Variants in PXDNL observed in about 807,000 individuals in gnomAD.
PXDNL encodes the protein peroxidasin like, also known as probable oxidoreductase PXDNL.
Under a neutral mutation model 150.8 loss-of-function variants are expected in PXDNL, and 145 were observed. The ratio of observed to expected loss-of-function variants is 0.96; its 90% CI spans 0.84 to 1.10. The LOEUF is 1.10. Among genes scored for constraint, PXDNL ranks in the 50% least tolerant of loss-of-function variants. The probability of loss-of-function intolerance (pLI) is 0.00; values close to 1 mark genes in which losing one functional copy is unlikely to be tolerated. For missense variants in PXDNL, 2,087 were observed against 1,873.9 expected (o/e 1.11, Z -2.10); for synonymous variants, 757 against 725.7 (o/e 1.04, Z -0.69).
intron 5 of PXDNL, among the ~76,000 whole-genome samples, chr8:51,496,847 A>G (rs556532687): frequency 6.6e-6 from 1 of 152,366 alleles, no homozygotes; most frequent in South Asian, 2.1e-4. Context: ...TGTCATGAAA[A>G]TGGCCAACTG....
At chr8:51,474,607 A>AC (rs1169674711) in intron 7 of PXDNL, among the ~76,000 whole-genome samples, 1 of 152,276 alleles carries the variant, frequency 6.6e-6, no homozygotes, top group East Asian at 1.9e-4. Flanking sequence ...TAAAGTTGAA[A>AC]CCCCTAAATT....
chr8:51,764,995 T>C (rs1286878478), intron 1 of PXDNL, among the ~76,000 whole-genome samples: 1 of 152,128 alleles, frequency 6.6e-6, no homozygotes, highest in South Asian at 2.1e-4. Flanking sequence ...ATAATTATTG[T>C]GTCTTTCTGA....
At chr8:51,654,130 T>G (rs891350694) in intron 2 of PXDNL, among the ~76,000 whole-genome samples, 2 of 152,178 alleles carry the variant, frequency 1.3e-5, no homozygotes, top group African/African-American at 4.8e-5. Flanking sequence ...CAATAGATAA[T>G]AGATACTGTT....
chr8:51,460,465 T>C (rs561880565), intron 8 of PXDNL, among the ~76,000 whole-genome samples: 1 of 135,294 alleles, frequency 7.4e-6, no homozygotes, highest in African/African-American at 2.8e-5. Context: ...AGGAAGCCCT[T>C]CTCCCACCAA....
intron 4 of PXDNL, among the ~76,000 whole-genome samples, chr8:51,539,657 A>G (rs912674171): frequency 6.6e-6 from 1 of 152,150 alleles, no homozygotes; most frequent in Non-Finnish European, 1.5e-5. Context: ...TTAGTTATGC[A>G]GTTTATCCTC....
intron 5 of PXDNL, among the ~76,000 whole-genome samples, chr8:51,490,028 G>C (rs1016349012): frequency 1.3e-5 from 2 of 152,126 alleles, no homozygotes; most frequent in African/African-American, 2.4e-5. Flanking sequence ...GGGGTCTCTG[G>C]TGTAAAAGAG....
At position 51,621,943 on chromosome 8, in the gene PXDNL, C is replaced by CAA. The variant is rs71237221; in HGVS notation, c.237-29247_237-29246dup. Among the ~76,000 whole-genome samples, 705 of 127,874 alleles carry CAA rather than the reference C, an allele frequency of 5.5e-3. 13 individuals carry two copies. Among genetic ancestry groups the CAA allele is most frequent in the Middle Eastern group, 0.013 (3 of 234 alleles). 83.9% of individuals were successfully genotyped at this position (127,874 alleles called of 152,430 possible). On this transcript the variant is annotated intron_variant, in intron 2 of 22. Transcript: ENST00000356297. ...TGGGTGACAGAGTGAGACCCTGTCT[C>CAA]AAAAAAAAAAAAAAAAAAAGCAATT...
At chr8:51,805,758 A>C (rs1452246410) in intron 1 of PXDNL, among the ~76,000 whole-genome samples, 2 of 152,164 alleles carry the variant, frequency 1.3e-5, no homozygotes, top group East Asian at 3.8e-4. Context: ...CCTAAGCTTA[A>C]AACTTTTTCT....
chr8:51,481,446 GA>G (rs889822025), intron 6 of PXDNL, among the ~76,000 whole-genome samples: 2 of 152,180 alleles, frequency 1.3e-5, no homozygotes, highest in African/African-American at 2.4e-5. Flanking sequence ...TGATGCAGTA[GA>G]AAATAAAAAC....
chr8:51,391,009 C>T (rs1807886982), intron 17 of PXDNL, among the ~76,000 whole-genome samples: 12 of 151,818 alleles, frequency 7.9e-5, no homozygotes, highest in Admixed American at 7.9e-4. Flanking sequence ...GGTTTTTTGT[C>T]CTTGCGATAG....
At chr8:51,479,373 A>G (rs898580624) in intron 6 of PXDNL, among the ~76,000 whole-genome samples, 1 of 152,246 alleles carries the variant, frequency 6.6e-6, no homozygotes, top group Non-Finnish European at 1.5e-5. Flanking sequence ...GAGAGAAAAC[A>G]GACAAGTAGA....
At chr8:51,554,208 G>A (rs1465623270) in intron 4 of PXDNL, among the ~76,000 whole-genome samples, 1 of 152,142 alleles carries the variant, frequency 6.6e-6, no homozygotes, top group African/African-American at 2.4e-5. Context: ...AAGCCCACTT[G>A]AGTGACAGCT....
Position 51,408,844 on chromosome 8 carries a change from G to A in PXDNL, c.2780C>T (p.Pro927Leu). ...GGGCAATAAGGGCTTTCCGGAGGGA[G>A]GCCAAGGAAAGCCTGTCTTCAGGAG... ...RGLLKTGFPWPPSGKPLLPFS... is the reference protein window; with the variant it reads ...RGLLKTGFPWLPSGKPLLPFS... Residue 927 changes from proline (P) to leucine (L), a missense_variant, in exon 17 of 23, where the codon CCT (proline) becomes CTT (leucine). Transcript: ENST00000356297. 4 of 1,577,492 alleles carry A rather than the reference G, an allele frequency of 2.5e-6. No homozygotes were observed. Among genetic ancestry groups the A allele is most frequent in the Non-Finnish European group, 3.4e-6 (4 of 1,162,640 alleles).
At chr8:51,449,276 G>A (rs1459176607) in intron 10 of PXDNL, among the ~76,000 whole-genome samples, 158 bp from the exon 11 acceptor site, 3 of 152,154 alleles carry the variant, frequency 2.0e-5, no homozygotes, top group Non-Finnish European at 4.4e-5. Flanking sequence ...GCTTCTGTAT[G>A]TTTGTGCCTG....
At chr8:51,429,238 T>G (rs1229132995) in intron 12 of PXDNL, among the ~76,000 whole-genome samples, 1 of 150,178 alleles carries the variant, frequency 6.7e-6, no homozygotes, top group East Asian at 1.9e-4. Context: ...GGTGGGAATG[T>G]AAGATGGTAC....
chr8:51,637,679 C>T (rs1208784516), intron 2 of PXDNL, among the ~76,000 whole-genome samples: 2 of 152,150 alleles, frequency 1.3e-5, no homozygotes, highest in Non-Finnish European at 2.9e-5. Context: ...TGAACAAAGC[C>T]TCCAAGAAAT....
chr8:51,416,357 T>C (rs888366053), intron 14 of PXDNL, among the ~76,000 whole-genome samples: 3 of 152,222 alleles, frequency 2.0e-5, no homozygotes, highest in Non-Finnish European at 4.4e-5. Context: ...TCATTTAATA[T>C]GTGAATGTGA....
chr8:51,685,350 G>C (rs908927581), intron 1 of PXDNL, among the ~76,000 whole-genome samples: 1 of 152,172 alleles, frequency 6.6e-6, no homozygotes, highest in African/African-American at 2.4e-5. Context: ...TTGTCTAACA[G>C]GCCATGCCTT....
At chr8:51,672,924 T>C (rs1194684608) in intron 1 of PXDNL, among the ~76,000 whole-genome samples, 4 of 152,118 alleles carry the variant, frequency 2.6e-5, no homozygotes, top group East Asian at 1.9e-4. Flanking sequence ...GTGAAATTCT[T>C]TGGTTGTGGG....
Sources: gnomAD v4.1 joint callset for allele counts (sites outside exome capture counted in the v4.1 genomes callset) on GRCh38, gnomAD v4.1.1 for gene constraint, MANE v1.5 for transcripts, NCBI Gene and HGNC (gene_info 2026-07-23, HGNC 2026-07-21) for gene names.